CSMD3: variants seen among roughly 807,000 people sequenced by gnomAD.
The protein encoded by CSMD3 is CUB and sushi domain-containing protein 3.
In CSMD3, 177 loss-of-function variants were observed where a neutral mutation model predicts 435.2. The observed-to-expected ratio is 0.41, with a 90% CI of 0.36 to 0.46. CSMD3 has a LOEUF of 0.46. Ranked by LOEUF, CSMD3 falls within the 20% of genes least tolerant of loss-of-function variation. The pLI, the probability that CSMD3 is intolerant of heterozygous loss-of-function variation, is 0.34. For synonymous variants in CSMD3, 1,656 were observed against 1,520.5 expected, an observed-to-expected ratio of 1.09 and a Z score of -2.07; for missense variants, 4,265 against 4,504.6, an observed-to-expected ratio of 0.95 and a Z score of 1.52.
intron 1 of CSMD3, among the ~76,000 whole-genome samples, chr8:113,431,694 G>C (rs966589691): frequency 2.0e-5 from 3 of 151,692 alleles, no homozygotes; most frequent in African/African-American, 4.9e-5. Flanking sequence ...TGAGATCTTA[G>C]AAAAGCGTTT....
intron 9 of CSMD3, among the ~76,000 whole-genome samples, chr8:112,937,676 C>T (rs745886201): frequency 6.6e-6 from 1 of 151,968 alleles, no homozygotes; most frequent in African/African-American, 2.4e-5. Flanking sequence ...AAGGTGCCAT[C>T]CCAAAGAGGC....
intron 10 of CSMD3, among the ~76,000 whole-genome samples, chr8:112,861,275 C>G (rs1168060780): frequency 6.6e-6 from 1 of 151,802 alleles, no homozygotes; most frequent in African/African-American, 2.4e-5. Context: ...TTCTAAAACA[C>G]AGATTTAATT....
At chr8:112,502,506 C>A (rs1822074564) in intron 30 of CSMD3, among the ~76,000 whole-genome samples, 1 of 152,210 alleles carries the variant, frequency 6.6e-6, no homozygotes, top group Non-Finnish European at 1.5e-5. Flanking sequence ...GGACTCCAAG[C>A]CTCTGTTTCT....
At chr8:113,350,864 AAC>A (rs2094185536) in intron 1 of CSMD3, among the ~76,000 whole-genome samples, 1 of 152,060 alleles carries the variant, frequency 6.6e-6, no homozygotes. Flanking sequence ...TTCTCCTTTA[AAC>A]ACAGACTCCA....
rs1326503929 is a variant in CSMD3 at position 112,636,891 on chromosome 8, A to G, written c.3641T>C (p.Leu1214Pro). 1 of 1,613,478 alleles carries G rather than the reference A, an allele frequency of 6.2e-7. No individual in the cohort carries two copies. Among genetic ancestry groups the G allele is most frequent in the South Asian group, 1.1e-5 (1 of 91,054 alleles). Reference protein sequence around the residue: ...LTFSCSSGYRLEGTSEIICLG... With the variant: ...LTFSCSSGYRPEGTSEIICLG... ...ACAGATGATCTCTGATGTTCCTTCC[A>G]GTCGATAACCCGAAGAGCATGAGAA... The change falls in exon 22 of 71, where the codon CTG becomes CCG. Residue 1214 changes from leucine (L) to proline (P), a missense_variant. By Grantham distance (98) the Leu-to-Pro change is moderately conservative. Transcript: ENST00000297405.
intron 32 of CSMD3, among the ~76,000 whole-genome samples, chr8:112,413,253 G>A (rs557171866): frequency 6.6e-6 from 1 of 152,192 alleles, no homozygotes; most frequent in South Asian, 2.1e-4. Context: ...ACTCTTTCTT[G>A]TAGACAAAGC....
intron 6 of CSMD3, among the ~76,000 whole-genome samples, chr8:113,004,217 T>C (rs1424374383): frequency 6.6e-6 from 1 of 152,002 alleles, no homozygotes; most frequent in Non-Finnish European, 1.5e-5. Context: ...AAAAACAAAT[T>C]TGTCCCATTT....
intron 31 of CSMD3, among the ~76,000 whole-genome samples, chr8:112,488,029 C>T (rs955782547): frequency 6.6e-6 from 1 of 152,072 alleles, no homozygotes; most frequent in African/African-American, 2.4e-5. Flanking sequence ...TGCTGTTCTG[C>T]TATTATTTAA....
chr8:113,293,693 C>G (rs1217320552), intron 2 of CSMD3, among the ~76,000 whole-genome samples: 1 of 152,134 alleles, frequency 6.6e-6, no homozygotes, highest in Non-Finnish European at 1.5e-5. Context: ...CCGCTTTCAT[C>G]TCTTCACTTC....
intron 45 of CSMD3, among the ~76,000 whole-genome samples, chr8:112,328,715 T>C (rs941685627): frequency 2.6e-5 from 4 of 152,124 alleles, no homozygotes; most frequent in South Asian, 2.1e-4. Context: ...TCCCCGATAC[T>C]GTTCTCATGA....
chr8:112,466,968 T>G (rs1563574390), intron 32 of CSMD3, among the ~76,000 whole-genome samples: 1 of 152,084 alleles, frequency 6.6e-6, no homozygotes, highest in African/African-American at 2.4e-5. Flanking sequence ...TAAAAATACT[T>G]CAATGAGAAA....
intron 10 of CSMD3, among the ~76,000 whole-genome samples, chr8:112,873,758 AC>A (rs1178830565): frequency 2.6e-5 from 4 of 151,850 alleles, no homozygotes; most frequent in Non-Finnish European, 5.9e-5. Flanking sequence ...CAGTGGTGAT[AC>A]CCCCTTTATC....
intron 30 of CSMD3, among the ~76,000 whole-genome samples, chr8:112,493,830 T>G (rs993911730): frequency 8.5e-5 from 13 of 152,240 alleles, no homozygotes; most frequent in Admixed American, 5.9e-4. Flanking sequence ...TTGTAATTAT[T>G]GATTACTTAA....
chr8:112,716,996 G>A (rs538756378), intron 13 of CSMD3, among the ~76,000 whole-genome samples: 2 of 152,218 alleles, frequency 1.3e-5, no homozygotes, highest in South Asian at 2.1e-4. Flanking sequence ...TACCATTCAG[G>A]ATATGGGCAT....
intron 38 of CSMD3, among the ~76,000 whole-genome samples, chr8:112,377,342 G>T (rs996634626): frequency 3.3e-5 from 5 of 152,052 alleles, no homozygotes; most frequent in Admixed American, 2.0e-4. Context: ...CTAGTGAAAA[G>T]ATTGAATCAG....
intron 35 of CSMD3, among the ~76,000 whole-genome samples, chr8:112,399,117 A>C (rs1320657703): frequency 6.6e-6 from 1 of 151,550 alleles, no homozygotes; most frequent in African/African-American, 2.4e-5. Context: ...AGGTTTCACC[A>C]CGCTGGCCAG....
Position 112,295,845 on chromosome 8 carries a change from G to A in CSMD3, c.8602C>T (p.Pro2868Ser), listed in dbSNP as rs766387174. 4.7e-5 allele frequency: 76 copies of A among 1,613,688 alleles called. No individual in the cohort carries two copies. The highest frequency in any genetic ancestry group is 3.5e-5 in the Non-Finnish European group (41 of 1,179,906). Residue 2868 changes from proline to serine, a missense_variant, in exon 54 of 71, where the codon CCA becomes TCA. This residue lies in a region of CSMD3 where 3,255 missense variants were observed against 3,380.2 expected (regional missense o/e 0.96). Coordinates refer to ENST00000297405, the MANE Select transcript of CSMD3 (RefSeq NM_198123.2). ...QQDHNWSGQL[P>S]SCVPVSCGHP... ...CATGCTTACTTACGCACACAGGATG[G>A]GAGCTGACCAGACCAATTGTGATCC...
intron 4 of CSMD3, among the ~76,000 whole-genome samples, chr8:113,101,820 A>T (rs1735875639): frequency 6.6e-6 from 1 of 152,088 alleles, no homozygotes; most frequent in South Asian, 2.1e-4. Flanking sequence ...AGTATCTGAC[A>T]AAATGGTGAA....
intron 3 of CSMD3, among the ~76,000 whole-genome samples, chr8:113,201,029 T>C (rs1463962644): frequency 6.6e-6 from 1 of 151,872 alleles, no homozygotes; most frequent in Non-Finnish European, 1.5e-5. Flanking sequence ...CTCTCCAGAC[T>C]ATTTGCATCT....
Sources: gnomAD v4.1 joint callset for allele counts (sites outside exome capture counted in the v4.1 genomes callset) on GRCh38, gnomAD v4.1.1 for gene constraint, gnomAD v4.1.1 regional missense constraint, MANE v1.5 for transcripts, NCBI Gene and HGNC (gene_info 2026-07-23, HGNC 2026-07-21) for gene names.